The following ROR2 variants were observed in gnomAD, a reference collection of about 807,000 sequenced individuals.
The protein encoded by ROR2 is tyrosine-protein kinase transmembrane receptor ROR2.
ROR2 carries 33 observed loss-of-function variants against 74.9 expected under a neutral mutation model. That is an observed-to-expected ratio of 0.44 (90% CI 0.33 to 0.59). The LOEUF (loss-of-function observed/expected upper bound fraction) is 0.59, where lower values mean the gene tolerates loss of function less well. Ranked by LOEUF, ROR2 falls within the 20% of genes least tolerant of loss-of-function variation. The pLI, the probability that ROR2 is intolerant of heterozygous loss-of-function variation, is 0.02. For synonymous variants in ROR2, 586 were observed against 558.7 expected (o/e 1.05, Z -0.69); for missense variants, 1,216 against 1,313.8 (o/e 0.93, Z 1.15).
chr9:91,765,698 C>G (rs561416218), intron 2 of ROR2, among the ~76,000 whole-genome samples: 2 of 152,310 alleles, frequency 1.3e-5, no homozygotes, highest in African/African-American at 4.8e-5. Context: ...CCCTCTTCTC[C>G]AGGACTGCAG....
intron 4 of ROR2, among the ~76,000 whole-genome samples, chr9:91,743,432 G>A (rs148156621): frequency 2.4e-4 from 36 of 152,156 alleles, no homozygotes; most frequent in East Asian, 1.2e-3. Context: ...TTAGCCAGGC[G>A]TGGTGATGCG....
intron 2 of ROR2, among the ~76,000 whole-genome samples, chr9:91,763,512 T>C (rs1825974596): frequency 6.6e-6 from 1 of 152,222 alleles, no homozygotes; most frequent in African/African-American, 2.4e-5. Context: ...TTTGCCAATC[T>C]GATAGGTGCT....
At chr9:91,806,274 C>T (rs1037017377) in intron 1 of ROR2, among the ~76,000 whole-genome samples, 1 of 152,182 alleles carries the variant, frequency 6.6e-6, no homozygotes, top group Non-Finnish European at 1.5e-5. Context: ...GAATTCATGT[C>T]TGATGAGGGT....
intron 1 of ROR2, among the ~76,000 whole-genome samples, chr9:91,932,339 A>G (rs1451791229): frequency 6.6e-6 from 1 of 152,226 alleles, no homozygotes; most frequent in Non-Finnish European, 1.5e-5. Context: ...ATAAAACTTA[A>G]GACTTACCGC....
intron 8 of ROR2, among the ~76,000 whole-genome samples, chr9:91,725,992 TACAAC>T (rs1285851846): frequency 6.6e-6 from 1 of 152,236 alleles, no homozygotes; most frequent in African/African-American, 2.4e-5. Flanking sequence ...AATGCCCTTT[TACAAC>T]ACAACCTGGA....
At chr9:91,898,577 C>T (rs1307176490) in intron 1 of ROR2, among the ~76,000 whole-genome samples, 3 of 152,194 alleles carry the variant, frequency 2.0e-5, no homozygotes, top group African/African-American at 2.4e-5. Flanking sequence ...GCAAGACAAA[C>T]GTACAGCCAG....
At chr9:91,878,782 G>A (rs1830022964) in intron 1 of ROR2, among the ~76,000 whole-genome samples, 1 of 152,180 alleles carries the variant, frequency 6.6e-6, no homozygotes, top group African/African-American at 2.4e-5. Context: ...TGCACTTTAA[G>A]AAACAAAGAC....
intron 1 of ROR2, among the ~76,000 whole-genome samples, chr9:91,798,250 A>G (rs1434031207): frequency 5.9e-5 from 4 of 67,440 alleles, no homozygotes; most frequent in African/African-American, 5.9e-5. Flanking sequence ...GACACCCTGC[A>G]TTCTGTGGGC....
chr9:91,829,565 A>AAAAAAAAG (rs1828397163), intron 1 of ROR2, among the ~76,000 whole-genome samples: 1 of 150,814 alleles, frequency 6.6e-6, no homozygotes. Context: ...AAAAAAAAAA[A>AAAAAAAAG]AAAAAAAAGC....
intron 1 of ROR2, among the ~76,000 whole-genome samples, chr9:91,832,141 C>CA (rs1210381575): frequency 6.6e-6 from 1 of 152,068 alleles, no homozygotes; most frequent in Non-Finnish European, 1.5e-5. Context: ...CCAAGGCACT[C>CA]ACAGCCAATC....
chr9:91,764,158 G>A (rs1191283794), intron 2 of ROR2, among the ~76,000 whole-genome samples: 2 of 152,080 alleles, frequency 1.3e-5, no homozygotes, highest in Non-Finnish European at 2.9e-5. Flanking sequence ...TACATCATTT[G>A]GTCCATACAT....
chr9:91,852,050 C>CAG (rs887822647), intron 1 of ROR2, among the ~76,000 whole-genome samples: 29 of 150,994 alleles, frequency 1.9e-4, no homozygotes, highest in African/African-American at 7.0e-4. Context: ...AGTGAAGTCT[C>CAG]AGGAGTGTTG....
chr9:91,935,553 C>A (rs1831661078), intron 1 of ROR2, among the ~76,000 whole-genome samples: 2 of 152,346 alleles, frequency 1.3e-5, no homozygotes, highest in Middle Eastern at 3.4e-3. Flanking sequence ...ACAATTCCAG[C>A]CGCCATGAGG....
intron 1 of ROR2, chr9:91,883,394 C>A (rs1005253176): frequency 1.3e-5 from 2 of 152,118 alleles, no homozygotes; most frequent in African/African-American, 4.8e-5. Flanking sequence ...CTGTTTTGTA[C>A]GGATGATATA....
rs978206996 is a variant in ROR2 at position 91,809,352 on chromosome 9, C to A, written c.98-33534G>T. On this transcript the variant is annotated intron_variant, in intron 1 of 8. Coordinates refer to ENST00000375708, the MANE Select transcript of ROR2 (RefSeq NM_004560.4). The stretch of plus-strand genomic sequence containing the variant: ...CTCCTTTTCAGCTGACCCCAACCCT[C>A]TGCCATTGTGAACCCACCAGGAACA... Among the ~76,000 whole-genome samples the A allele has an allele frequency of 3.9e-5, 6 of 152,372 alleles. No homozygotes were observed. The East Asian group carries it at 1.2e-3, about 29-fold the overall frequency.
chr9:91,929,308 A>G (rs553232264), intron 1 of ROR2, among the ~76,000 whole-genome samples: 1 of 152,368 alleles, frequency 6.6e-6, no homozygotes, highest in Admixed American at 6.5e-5. Context: ...AGGGGGGCAC[A>G]GTGAAATCCA....
At chr9:91,932,485 C>T (rs1200195697) in intron 1 of ROR2, among the ~76,000 whole-genome samples, 1 of 150,246 alleles carries the variant, frequency 6.7e-6, no homozygotes, top group Non-Finnish European at 1.5e-5. Context: ...GGCAAAACTC[C>T]GTCTCTACTA....
chr9:91,907,472 C>G (rs144265489), intron 1 of ROR2, among the ~76,000 whole-genome samples: 3 of 152,154 alleles, frequency 2.0e-5, no homozygotes, highest in Non-Finnish European at 4.4e-5. Context: ...GATATCAGCA[C>G]GTTAAACCCT....
intron 8 of ROR2, 30 bp downstream of exon 8, chr9:91,726,511 A>C: frequency 3.6e-3 from 4,731 of 1,300,838 alleles, no homozygotes; most frequent in Non-Finnish European, 4.7e-3. Flanking sequence ...TGGAAGAGCC[A>C]CCCGGGTAGA....
Sources: allele counts gnomAD v4.1 joint callset (sites outside exome capture counted in the v4.1 genomes callset), GRCh38; gene constraint gnomAD v4.1.1; transcripts MANE v1.5; gene names NCBI Gene and HGNC (gene_info 2026-07-23, HGNC 2026-07-21).